SMYD3: variants seen among roughly 807,000 people sequenced by gnomAD.
SMYD3 encodes the protein histone-lysine N-methyltransferase SMYD3.
In SMYD3, 36 loss-of-function variants were observed where a neutral mutation model predicts 57.7. That is an observed-to-expected ratio of 0.62 (90% CI 0.48 to 0.82). The LOEUF is 0.82. SMYD3 is among the 40% of genes least tolerant of loss of function. SMYD3 has a pLI of 0.00. For missense variants in SMYD3, 515 were observed against 538.8 expected (o/e 0.96, Z 0.44); for synonymous variants, 211 against 195.0 (o/e 1.08, Z -0.68).
rs150213825 is a variant in SMYD3, at chr1:245,803,770, A to T, written c.1077-39621T>A. Reference sequence around the variant, plus strand: ...CCTATCAGCTTAAGAAAATTTCTAAAATTTGATGTGCCTGATTTTGAAGCC... The same window carrying T: ...CCTATCAGCTTAAGAAAATTTCTAATATTTGATGTGCCTGATTTTGAAGCC... On this transcript the variant is annotated intron_variant, in intron 10 of 11. Transcript: ENST00000490107. Among the ~76,000 whole-genome samples, 348 of 152,330 alleles carry T rather than the reference A, an allele frequency of 2.3e-3. 1 individual carries two copies. Among genetic ancestry groups the T allele is most frequent in the African/African-American group, 8.1e-3 (336 of 41,568 alleles).
chr1:246,260,793 AAG>A (rs1274058378), intron 5 of SMYD3, among the ~76,000 whole-genome samples: 1 of 143,114 alleles, frequency 7.0e-6, no homozygotes, highest in East Asian at 2.9e-4. Flanking sequence ...AGCCATTTCC[AAG>A]TGGCTGAGGC....
chr1:246,349,735 T>C (rs973404099), intron 2 of SMYD3, among the ~76,000 whole-genome samples: 11 of 152,190 alleles, frequency 7.2e-5, no homozygotes, highest in Admixed American at 7.2e-4. Flanking sequence ...TAAATGTATA[T>C]TGCAAACTCT....
chr1:246,085,129 A>G (rs2060701876), intron 5 of SMYD3, among the ~76,000 whole-genome samples: 1 of 152,220 alleles, frequency 6.6e-6, no homozygotes. Context: ...AAAGTGTTAC[A>G]CTATCTATAG....
intron 5 of SMYD3, among the ~76,000 whole-genome samples, chr1:246,270,784 T>A (rs889865926): frequency 2.6e-5 from 4 of 152,238 alleles, no homozygotes; most frequent in Non-Finnish European, 5.9e-5. Flanking sequence ...AACACTGGCA[T>A]ACAAACATCT....
chr1:245,996,125 T>C (rs889918646), intron 5 of SMYD3, among the ~76,000 whole-genome samples: 2 of 152,238 alleles, frequency 1.3e-5, no homozygotes, highest in African/African-American at 2.4e-5. Flanking sequence ...TTGTTTAATT[T>C]CATAAATACA....
At chr1:246,054,880 A>G (rs1478106538) in intron 5 of SMYD3, among the ~76,000 whole-genome samples, 1 of 151,046 alleles carries the variant, frequency 6.6e-6, no homozygotes, top group Non-Finnish European at 1.5e-5. Flanking sequence ...CTATAAAAAA[A>G]AAAAAAAAAA....
At chr1:246,085,758 A>G (rs2060712562) in intron 5 of SMYD3, among the ~76,000 whole-genome samples, 1 of 152,178 alleles carries the variant, frequency 6.6e-6, no homozygotes, top group Admixed American at 6.5e-5. Flanking sequence ...ACTTGAATAA[A>G]TTTCTAATAA....
chr1:245,821,298 G>T (rs181416704), intron 10 of SMYD3, among the ~76,000 whole-genome samples: 2 of 150,512 alleles, frequency 1.3e-5, no homozygotes, highest in African/African-American at 4.8e-5. Context: ...AATGGGGAAA[G>T]GATTCCCTAT....
chr1:246,393,925 T>C (rs537242952), intron 1 of SMYD3, among the ~76,000 whole-genome samples: 2 of 152,182 alleles, frequency 1.3e-5, no homozygotes, highest in Admixed American at 6.5e-5. Flanking sequence ...GTGACATCTA[T>C]GGTGAAAATT....
At chr1:246,310,403 C>T (rs1353064839) in intron 5 of SMYD3, among the ~76,000 whole-genome samples, 1 of 152,130 alleles carries the variant, frequency 6.6e-6, no homozygotes, top group Non-Finnish European at 1.5e-5. Flanking sequence ...GATGAAATGG[C>T]CAGCTTAAGA....
In SMYD3 at chr1:246,287,583, T is replaced by G. The variant is rs576597406; in HGVS notation, c.531+39618A>C. On this transcript the variant is annotated intron_variant, in intron 5 of 11. Transcript: ENST00000490107. ...ACCTCACTTTGCCTATTACCACATC[T>G]CTAAGATGGACATAGAAATACCAAG... is the stretch of plus-strand genomic sequence containing the variant. Among the ~76,000 whole-genome samples, 9 of 152,282 alleles carry G rather than the reference T, an allele frequency of 5.9e-5. 1 individual carries two copies. Among genetic ancestry groups the G allele is most frequent in the African/African-American group, 2.2e-4 (9 of 41,566 alleles).
chr1:246,422,730 T>C (rs2067161152), intron 1 of SMYD3, among the ~76,000 whole-genome samples: 1 of 152,180 alleles, frequency 6.6e-6, no homozygotes, highest in Non-Finnish European at 1.5e-5. Context: ...TTTACAATGT[T>C]TTCAAACAAT....
intron 10 of SMYD3, among the ~76,000 whole-genome samples, chr1:245,776,675 T>C (rs1196184154): frequency 2.0e-5 from 3 of 152,186 alleles, no homozygotes; most frequent in Admixed American, 1.3e-4. Flanking sequence ...AGCACAGGTG[T>C]TGGAAGGTGC....
intron 1 of SMYD3, among the ~76,000 whole-genome samples, chr1:246,394,173 A>G (rs971972203): frequency 2.6e-5 from 4 of 152,238 alleles, no homozygotes; most frequent in African/African-American, 9.6e-5. Context: ...ATAAGTACCT[A>G]AAATATTAGG....
chr1:245,993,578 AAAG>A (rs2058852837), intron 5 of SMYD3, among the ~76,000 whole-genome samples: 1 of 24,128 alleles, frequency 4.1e-5, no homozygotes, highest in Non-Finnish European at 3.2e-4. Context: ...CAAAAAAAAA[AAAG>A]ATAGATAGAT....
At chr1:246,187,020 T>G (rs770678666) in intron 5 of SMYD3, 1 of 778,270 alleles carries the variant, frequency 1.3e-6, no homozygotes, top group Non-Finnish European at 1.6e-6. Context: ...GTAGGTGTGA[T>G]GTGCTAGATA....
At chr1:246,349,817 G>A (rs1029779283) in intron 2 of SMYD3, among the ~76,000 whole-genome samples, 2 of 152,042 alleles carry the variant, frequency 1.3e-5, no homozygotes, top group African/African-American at 4.8e-5. Flanking sequence ...TCATACAAAA[G>A]GCTCAACTGA....
chr1:246,110,888 T>C (rs1267426993), intron 5 of SMYD3, among the ~76,000 whole-genome samples: 2 of 152,168 alleles, frequency 1.3e-5, no homozygotes, highest in African/African-American at 4.8e-5. Context: ...ATTTTAAGGG[T>C]TCTAAACCAT....
chr1:246,501,190 G>A lies in SMYD3; in HGVS notation c.164+5864C>T, dbSNP rs539760614. Among the ~76,000 whole-genome samples, 11 of 152,270 alleles carry A rather than the reference G, an allele frequency of 7.2e-5. No homozygotes were observed. The East Asian group carries it at 9.6e-4, about 13-fold the overall frequency. ...CTAACCATATTTTACAAAATCAGCC[G>A]TAAACCCAGTAACGTCTTTTTACAT... On this transcript the variant is annotated intron_variant, in intron 1 of 11. Coordinates refer to ENST00000490107, the MANE Select transcript of SMYD3 (RefSeq NM_001167740.2).
Sources: gnomAD v4.1 joint callset for allele counts (sites outside exome capture counted in the v4.1 genomes callset) on GRCh38, gnomAD v4.1.1 for gene constraint, MANE v1.5 for transcripts, NCBI Gene and HGNC (gene_info 2026-07-23, HGNC 2026-07-21) for gene names.